ESRP1: variants seen among roughly 807,000 people sequenced by gnomAD.
ESRP1 encodes epithelial splicing regulatory protein 1.
ESRP1 carries 33 observed loss-of-function variants against 81.7 expected under a neutral mutation model. That is an observed-to-expected ratio of 0.40 (90% CI 0.31 to 0.54). The LOEUF (loss-of-function observed/expected upper bound fraction) is 0.54, where lower values mean the gene tolerates loss of function less well. Among genes scored for constraint, ESRP1 ranks in the 20% least tolerant of loss-of-function variants. ESRP1 has a pLI of 0.41. For synonymous variants in ESRP1, 320 were observed against 303.3 expected (o/e 1.06, Z -0.57); for missense variants, 672 against 833.1 (o/e 0.81, Z 2.38).
At position 94,641,970 on chromosome 8, in the gene ESRP1, C is replaced by T. The variant is rs377762593; in HGVS notation, c.147C>T (p.His49=). Residue 49 remains histidine, a synonymous_variant, in exon 2 of 16, where the codon CAC becomes CAT. Coordinates refer to ENST00000433389, the MANE Select transcript of ESRP1 (RefSeq NM_017697.4). ...DLANKKVGQL[H]EVLVRPDQLE... is the part of the protein sequence containing the mutation. Reference sequence around the variant, plus strand: ...TACCTTCGGAGGTGGGACAGTTGCACGAAGTGCTAGTTAGACCGGATCAGT... The same window carrying T: ...TACCTTCGGAGGTGGGACAGTTGCATGAAGTGCTAGTTAGACCGGATCAGT... The T allele has an allele frequency of 1.2e-5, 20 of 1,613,744 alleles. No individual in the cohort carries two copies. In the African/African-American group the frequency reaches 1.7e-4, roughly 14 times the overall value.
intron 15 of ESRP1, among the ~76,000 whole-genome samples, chr8:94,700,125 G>T (rs1809763315): frequency 6.6e-6 from 1 of 152,168 alleles, no homozygotes; most frequent in African/African-American, 2.4e-5. Flanking sequence ...AAAGATCCAG[G>T]CCTTCTGCCT....
chr8:94,700,988 G>T (rs1809811344), intron 15 of ESRP1, among the ~76,000 whole-genome samples: 1 of 147,880 alleles, frequency 6.8e-6, no homozygotes, highest in Non-Finnish European at 1.5e-5. Flanking sequence ...TGTGTGTTAA[G>T]AGGGCCGGGT....
intron 13 of ESRP1, chr8:94,688,589 GA>G: frequency 4.9e-6 from 1 of 203,778 alleles, no homozygotes; most frequent in African/African-American, 2.4e-5. Flanking sequence ...ACACATGAGG[GA>G]AAACCCTGGG....
chr8:94,674,367 T>A lies in ESRP1; in HGVS notation c.1512T>A (p.Ala504=). The change falls in exon 12 of 16, where the codon GCT becomes GCA. Residue 504 remains alanine, a synonymous_variant. Transcript: ENST00000433389. The stretch of plus-strand genomic sequence containing the variant: ...AGTCTGCGGACAGAGCATTTATGGC[T>A]GCACAGAAGTGTCATAAAAAAAACA... ...QMKSADRAFM[A]AQKCHKKNMK... The A allele has an allele frequency of 1.2e-6, 2 of 1,614,012 alleles. No individual in the cohort carries two copies. The highest frequency in any genetic ancestry group is 1.7e-6 in the Non-Finnish European group (2 of 1,179,898).
chr8:94,649,878 A>T (rs988804132), intron 4 of ESRP1, among the ~76,000 whole-genome samples: 1 of 152,112 alleles, frequency 6.6e-6, no homozygotes, highest in Non-Finnish European at 1.5e-5. Flanking sequence ...TAGTGTTCCT[A>T]TATAACCCTT....
rs758523117 is a variant in ESRP1, at chr8:94,664,914, AT to A, written c.756-11del. The A allele has an allele frequency of 1.9e-6, 3 of 1,607,650 alleles. No homozygotes were observed. The African/African-American group carries it at 4.1e-5, about 22-fold the overall frequency. On this transcript the variant is annotated splice_polypyrimidine_tract_variant and intron_variant, in intron 7 of 15. Transcript: ENST00000433389. The stretch of plus-strand genomic sequence containing the variant: ...TTTTTTTCTACCTGCTGTCTGTTTT[AT>A]TATTCTCAAAGGGGAGGTGCAGCAC...
intron 9 of ESRP1, among the ~76,000 whole-genome samples, chr8:94,666,481 A>G (rs987249695): frequency 1.3e-5 from 2 of 152,260 alleles, no homozygotes; most frequent in African/African-American, 4.8e-5. Context: ...TAAAAGCAGG[A>G]TAGCTGAATC....
intron 13 of ESRP1, chr8:94,688,573 GA>G: frequency 4.8e-6 from 1 of 206,956 alleles, no homozygotes; most frequent in Admixed American, 4.9e-5. Context: ...GAAGCAAGAT[GA>G]AAACACACAT....
chr8:94,648,204 C>T (rs984255797), intron 4 of ESRP1, among the ~76,000 whole-genome samples: 3 of 152,056 alleles, frequency 2.0e-5, no homozygotes, highest in Non-Finnish European at 4.4e-5. Context: ...CTGCAGTGAG[C>T]TATGATTGTG....
intron 10 of ESRP1, among the ~76,000 whole-genome samples, chr8:94,669,410 T>C (rs1448240724): frequency 6.6e-6 from 1 of 152,202 alleles, no homozygotes; most frequent in African/African-American, 2.4e-5. Context: ...CATTATATGT[T>C]GTGATTTTAA....
chr8:94,671,585 G>T lies in ESRP1; in HGVS notation c.1366G>T (p.Ala456Ser). ...CIRLRGLPYAATIEDILDFLG... is the reference protein window; with the variant it reads ...CIRLRGLPYASTIEDILDFLG... ...ACGCCTTCGAGGTCTTCCCTATGCA[G>T]CCACAATTGAGGACATCCTGGATTT... is the stretch of plus-strand genomic sequence containing the variant. The change falls in exon 11 of 16, where the codon GCC becomes TCC. Residue 456 changes from alanine (A) to serine (S), a missense_variant. Physicochemically the swap from Ala to Ser is moderately conservative, Grantham distance 99 (BLOSUM62 1). Coordinates refer to ENST00000433389, the MANE Select transcript of ESRP1 (RefSeq NM_017697.4). The T allele has an allele frequency of 1.2e-6, 2 of 1,613,884 alleles. No individual in the cohort carries two copies.
chr8:94,682,791 C>T (rs1037188353), intron 13 of ESRP1, among the ~76,000 whole-genome samples: 11 of 149,750 alleles, frequency 7.3e-5, no homozygotes, highest in African/African-American at 2.0e-4. Flanking sequence ...TAACCATTGT[C>T]TTTCTTGGGG....
chr8:94,665,843 C>T (rs1260832229), intron 9 of ESRP1, among the ~76,000 whole-genome samples: 4 of 152,124 alleles, frequency 2.6e-5, no homozygotes, highest in African/African-American at 9.7e-5. Flanking sequence ...CAAACGGCCA[C>T]GCTGCAATAC....
rs573619522 is a variant in ESRP1, at chr8:94,699,918, G to C, written c.*35+2957G>C. On this transcript the variant is annotated intron_variant, in intron 15 of 15. Coordinates refer to ENST00000433389, the MANE Select transcript of ESRP1 (RefSeq NM_017697.4). The stretch of plus-strand genomic sequence containing the variant: ...ATTGTTTTATATATATTTTTTTACC[G>C]CCTCCTTATCAATATCAAATTCATT... Among the ~76,000 whole-genome samples, 3 of 151,052 alleles carry C rather than the reference G, an allele frequency of 2.0e-5. No homozygotes were observed. The East Asian group carries it at 5.8e-4, about 29-fold the overall frequency.
Position 94,661,103 on chromosome 8 carries a change from T to A in ESRP1, c.491-1169T>A, listed in dbSNP as rs1818722343. ...TCGCCCAGGCTGGAGTGCAGTGGGGTGTTCTCAGCTCACTACAACCTCCAC... is the reference window on the plus strand; with the variant it reads ...TCGCCCAGGCTGGAGTGCAGTGGGGAGTTCTCAGCTCACTACAACCTCCAC... On this transcript the variant is annotated intron_variant, in intron 4 of 15. Coordinates refer to ENST00000433389, the MANE Select transcript of ESRP1 (RefSeq NM_017697.4). 2.6e-5 allele frequency among the ~76,000 whole-genome samples: 4 copies of A among 152,154 alleles called. No individual in the cohort carries two copies. The South Asian group carries it at 8.3e-4, about 32-fold the overall frequency.
Position 94,646,104 on chromosome 8 carries a change from A to T in ESRP1, c.376-64A>T. The T allele has an allele frequency of 3.5e-6, 3 of 867,956 alleles. No individual in the cohort carries two copies. In the South Asian group the frequency reaches 5.3e-5, roughly 15 times the overall value. The allele number at this position is 867,956 out of a possible 1,614,324, so 53.8% of individuals were successfully genotyped here. On this transcript the variant is annotated intron_variant, in intron 3 of 15. Coordinates refer to ENST00000433389, the MANE Select transcript of ESRP1 (RefSeq NM_017697.4). ...GCTTATATTCAATTTTTAGGTTCCT[A>T]ATTGTGAGAGAAACATTGAACCAAA...
At chr8:94,671,156 C>T (rs1472691794) in intron 10 of ESRP1, among the ~76,000 whole-genome samples, 1 of 152,212 alleles carries the variant, frequency 6.6e-6, no homozygotes, top group Non-Finnish European at 1.5e-5. Flanking sequence ...CAGGTAGACA[C>T]TAACTGTTTA....
At chr8:94,642,231 C>G (rs894460916) in intron 2 of ESRP1, 147 bp downstream of exon 2, 1 of 948,286 alleles carries the variant, frequency 1.1e-6, no homozygotes, top group Admixed American at 2.9e-5. Flanking sequence ...GCCTGAGGGC[C>G]GGGGCGCACC....
intron 15 of ESRP1, among the ~76,000 whole-genome samples, chr8:94,702,376 CT>C (rs1809874421): frequency 6.6e-6 from 1 of 152,154 alleles, no homozygotes; most frequent in African/African-American, 2.4e-5. Flanking sequence ...GAAATTCCTA[CT>C]GAGAAATTTT....
Sources: allele counts gnomAD v4.1 joint callset (sites outside exome capture counted in the v4.1 genomes callset), GRCh38; gene constraint gnomAD v4.1.1; transcripts MANE v1.5; gene names NCBI Gene and HGNC (gene_info 2026-07-23, HGNC 2026-07-21).